TECTA: variants seen among roughly 807,000 people sequenced by gnomAD.
The protein encoded by TECTA is tectorin alpha.
In TECTA, 128 loss-of-function variants were observed where a neutral mutation model predicts 216.8. The observed-to-expected ratio is 0.59, with a 90% CI of 0.51 to 0.68. The LOEUF (loss-of-function observed/expected upper bound fraction) is 0.68. Among genes scored for constraint, TECTA ranks in the 30% least tolerant of loss-of-function variants. The probability of loss-of-function intolerance (pLI) is 0.00; values close to 1 mark genes in which losing one functional copy is unlikely to be tolerated. For synonymous variants in TECTA, 1,089 were observed against 1,117.1 expected, an observed-to-expected ratio of 0.97 and a Z score of 0.50; for missense variants, 2,551 against 2,786.2, an observed-to-expected ratio of 0.92 and a Z score of 1.90.
Position 121,159,774 on chromosome 11 carries a change from G to A in TECTA, c.4690-361G>A, listed in dbSNP as rs867412472. On this transcript the variant is annotated intron_variant, in intron 14 of 23. Transcript: ENST00000392793. Reference sequence around the variant, plus strand: ...AGACACAAATCCAGCCATTCATTGTGGGTTATACTTTTCTAAGGTTTCCTT... The same window carrying A: ...AGACACAAATCCAGCCATTCATTGTAGGTTATACTTTTCTAAGGTTTCCTT... Among the ~76,000 whole-genome samples the A allele has an allele frequency of 2.6e-5, 4 of 152,208 alleles. No individual in the cohort carries two copies. The South Asian group carries it at 6.2e-4, about 24-fold the overall frequency.
intron 10 of TECTA, 23 bp from the exon 11 acceptor site, chr11:121,137,398 G>A (rs770304308): frequency 2.9e-5 from 47 of 1,613,504 alleles, no homozygotes; most frequent in East Asian, 2.7e-4. Flanking sequence ...TCTCAAACCC[G>A]TCTTCTCCTT....
chr11:121,129,659 T>TTG lies in TECTA; in HGVS notation c.2390_2391dup (p.Pro798CysfsTer27), dbSNP rs1357388775. 6.2e-7 allele frequency: 1 copy of TTG among 1,614,184 alleles called. No homozygotes were observed. Among genetic ancestry groups the TTG allele is most frequent in the African/African-American group, 1.3e-5 (1 of 75,044 alleles). On this transcript the variant is annotated frameshift_variant, in exon 10 of 24. Transcript: ENST00000392793. LOFTEE classifies it high-confidence loss of function. ...TCAGTTGAATGGTCAGGAAGTGGAA[T>TTG]TGCCTTTTTTCCATCCTTCGGGGAA... is the stretch of plus-strand genomic sequence containing the variant.
At position 121,160,399 on chromosome 11, in the gene TECTA, A is replaced by G; in HGVS notation, c.4954A>G (p.Lys1652Glu). ...CAGCGTGGTGCTGGCCCAGAGCTGG[A>G]AAACCAATGGCATGCAGAAGAGGTG... ...VSSVVLAQSW[K>E]TNGMQKRPLA... The change falls in exon 15 of 24, where the codon AAA becomes GAA. Residue 1652 changes from lysine (K) to glutamate (E), a missense_variant. Physicochemically the swap from Lys to Glu is moderately conservative, Grantham distance 56. Coordinates refer to ENST00000392793, the MANE Select transcript of TECTA (RefSeq NM_005422.4). The G allele has an allele frequency of 6.2e-7, 1 of 1,612,390 alleles. No homozygotes were observed.
rs756277585 is a variant in TECTA at position 121,162,330 on chromosome 11, C to T, written c.5232C>T (p.Phe1744=). ...LAAYGEACRS[F]GILSTEWIEK... is the part of the protein sequence containing the mutation. ...CCTACGGGGAGGCCTGCCGCTCCTT[C>T]GGGATCCTTAGCACCGAGTGGATTG... The change falls in exon 16 of 24, where the codon TTC becomes TTT. Residue 1744 remains phenylalanine (F), a synonymous_variant. Transcript: ENST00000392793. The T allele has an allele frequency of 2.4e-5, 39 of 1,613,590 alleles. No individual in the cohort carries two copies. The highest frequency in any genetic ancestry group is 1.6e-4 in the Middle Eastern group (1 of 6,084).
intron 6 of TECTA, among the ~76,000 whole-genome samples, chr11:121,117,993 A>C (rs1218189668): frequency 5.3e-5 from 8 of 152,200 alleles, no homozygotes; most frequent in Admixed American, 5.2e-4. Flanking sequence ...TGGATTCATG[A>C]TAACGTGGTT....
At chr11:121,109,070 A>C in intron 3 of TECTA, 141 bp from the exon 4 acceptor site, 2 of 878,406 alleles carry the variant, frequency 2.3e-6, no homozygotes, top group Non-Finnish European at 3.5e-6. Flanking sequence ...TGAGCAATGG[A>C]ACCCGGTGTT....
chr11:121,162,105 G>C lies in TECTA; in HGVS notation c.5007G>C (p.Gln1669His). Reference sequence around the variant, plus strand: ...TTGCCCCCAGCTGCAACGAGCTGCAGTTCTCACAGTATGCAGCCATGTGTG... The same window carrying C: ...TTGCCCCCAGCTGCAACGAGCTGCACTTCTCACAGTATGCAGCCATGTGTG... ...RPLAPSCNELQFSQYAAMCDN... is the reference protein window; with the variant it reads ...RPLAPSCNELHFSQYAAMCDN... Residue 1669 changes from glutamine (Q) to histidine (H), a missense_variant, in exon 16 of 24, where the codon CAG becomes CAC. By Grantham distance (24) the Gln-to-His change is conservative. This residue lies in a region of TECTA where 2,375 missense variants were observed against 2,563.9 expected (regional missense o/e 0.93). Coordinates refer to ENST00000392793, the MANE Select transcript of TECTA (RefSeq NM_005422.4). 6.2e-7 allele frequency: 1 copy of C among 1,614,178 alleles called. No homozygotes were observed. The highest frequency in any genetic ancestry group is 8.5e-7 in the Non-Finnish European group (1 of 1,180,042).
intron 12 of TECTA, among the ~76,000 whole-genome samples, chr11:121,149,053 G>A (rs893760206): frequency 6.6e-6 from 1 of 152,218 alleles, no homozygotes; most frequent in Non-Finnish European, 1.5e-5. Flanking sequence ...GGTTCTAAGT[G>A]GGATCTGGGG....
rs779320447 is a variant in TECTA at position 121,158,154 on chromosome 11, C to T, written c.4619C>T (p.Thr1540Ile). 3.7e-6 allele frequency: 6 copies of T among 1,614,064 alleles called. No homozygotes were observed. Among genetic ancestry groups the T allele is most frequent in the Non-Finnish European group, 5.1e-6 (6 of 1,180,046 alleles). The change falls in exon 14 of 24, where the codon ACC becomes ATC. Residue 1540 changes from threonine to isoleucine, a missense_variant. Around this residue, in one of 3 missense-constraint regions of TECTA, gnomAD observed 2,375 missense variants for 2,563.9 expected, o/e 0.93. Transcript: ENST00000392793. ...GACAAGTGGTCGGCCCCCAACCTCACCATCATTTCGCCCGTCTACTTCTAC... is the reference window on the plus strand; with the variant it reads ...GACAAGTGGTCGGCCCCCAACCTCATCATCATTTCGCCCGTCTACTTCTAC... The part of the protein sequence containing the change: ...NFDKWSAPNL[T>I]IISPVYFYIN...
intron 20 of TECTA, among the ~76,000 whole-genome samples, chr11:121,182,011 A>T (rs992155576): frequency 1.3e-5 from 2 of 152,304 alleles, no homozygotes; most frequent in Non-Finnish European, 2.9e-5. Flanking sequence ...AGCATCAGTC[A>T]TGTCTGTGAG....
chr11:121,157,777 G>T, intron 13 of TECTA, 64 bp from the exon 14 acceptor site: 2 of 1,610,522 alleles, frequency 1.2e-6, no homozygotes, highest in Non-Finnish European at 1.7e-6. Flanking sequence ...GAGGGGGACT[G>T]GGCTTTCGGG....
intron 2 of TECTA, among the ~76,000 whole-genome samples, chr11:121,103,307 A>C (rs1243021072): frequency 6.6e-6 from 1 of 152,086 alleles, no homozygotes; most frequent in East Asian, 1.9e-4. Flanking sequence ...GTTGTTTTGG[A>C]TTTTAGACAA....
intron 11 of TECTA, among the ~76,000 whole-genome samples, chr11:121,138,271 G>C (rs894579889): frequency 6.6e-6 from 1 of 152,246 alleles, no homozygotes; most frequent in Non-Finnish European, 1.5e-5. Flanking sequence ...TCTGGAAGCA[G>C]TGCCTTTCGT....
At chr11:121,131,828 T>C (rs989171226) in intron 10 of TECTA, among the ~76,000 whole-genome samples, 2 of 152,194 alleles carry the variant, frequency 1.3e-5, no homozygotes, top group African/African-American at 2.4e-5. Context: ...CCTGGTTCCA[T>C]TGAAATTATG....
intron 6 of TECTA, among the ~76,000 whole-genome samples, chr11:121,114,171 T>TA (rs1946474150): frequency 6.6e-6 from 1 of 152,134 alleles, no homozygotes; most frequent in African/African-American, 2.4e-5. Context: ...GCCAAGTTCC[T>TA]ATGAGGGTAA....
At chr11:121,138,335 G>A (rs1190766721) in intron 11 of TECTA, among the ~76,000 whole-genome samples, 1 of 152,176 alleles carries the variant, frequency 6.6e-6, no homozygotes, top group African/African-American at 2.4e-5. Flanking sequence ...ATCCCTGCTT[G>A]GTGGCTGCTG....
In TECTA at chr11:121,172,514, G is replaced by A. The variant is rs1294043991; in HGVS notation, c.5999+3589G>A. On this transcript the variant is annotated intron_variant, in intron 20 of 23. Transcript: ENST00000392793. ...TCATCCATGTCCCTACAAAGGACAT[G>A]AACTCATCATTTTTCATGGCTACAT... is the stretch of plus-strand genomic sequence containing the variant. 2.0e-5 allele frequency among the ~76,000 whole-genome samples: 3 copies of A among 152,148 alleles called. No homozygotes were observed. In the East Asian group the frequency reaches 5.8e-4, roughly 29 times the overall value.
intron 19 of TECTA, 130 bp from the exon 20 acceptor site, chr11:121,168,547 G>GC (rs1947078810): frequency 7.3e-7 from 1 of 1,363,976 alleles, no homozygotes; most frequent in East Asian, 2.3e-5. Flanking sequence ...GTACTGTATT[G>GC]GACAGCACAG....
intron 9 of TECTA, 149 bp from the exon 10 acceptor site, chr11:121,129,489 A>T (rs1407729367): frequency 4.0e-6 from 3 of 748,880 alleles, no homozygotes; most frequent in Non-Finnish European, 6.9e-6. Context: ...CCCATGACAA[A>T]TCGGTTGGTA....
Sources: gnomAD v4.1 joint callset for allele counts (sites outside exome capture counted in the v4.1 genomes callset) on GRCh38, gnomAD v4.1.1 for gene constraint, gnomAD v4.1.1 regional missense constraint, MANE v1.5 for transcripts, NCBI Gene and HGNC (gene_info 2026-07-23, HGNC 2026-07-21) for gene names.